P4HA3: variants seen among roughly 807,000 people sequenced by gnomAD.
The protein encoded by P4HA3 is prolyl 4-hydroxylase subunit alpha 3.
P4HA3 carries 60 observed loss-of-function variants against 66.7 expected under a neutral mutation model. The observed-to-expected ratio is 0.90, with a 90% CI of 0.73 to 1.12. The LOEUF is 1.12. P4HA3 is among the 50% of genes most tolerant of loss of function. The pLI, the probability that P4HA3 is intolerant of heterozygous loss-of-function variation, is 0.00. For missense variants in P4HA3, 683 were observed against 685.8 expected (o/e 1.00, Z 0.05); for synonymous variants, 263 against 274.6 (o/e 0.96, Z 0.42).
At chr11:74,276,874 T>G in intron 9 of P4HA3, 111 bp downstream of exon 9, 1 of 1,178,646 alleles carries the variant, frequency 8.5e-7, no homozygotes, top group Non-Finnish European at 1.1e-6. Flanking sequence ...GAACCTTTGT[T>G]CTAAGATTTC....
At chr11:74,298,866 G>A (rs1366618222) in intron 3 of P4HA3, among the ~76,000 whole-genome samples, 1 of 152,248 alleles carries the variant, frequency 6.6e-6, no homozygotes, top group Non-Finnish European at 1.5e-5. Context: ...TGTAGCTAGG[G>A]TGAAGAGAAA....
At chr11:74,281,869 T>TATAATA (rs57363098) in intron 7 of P4HA3, among the ~76,000 whole-genome samples, 1,606 of 144,498 alleles carry the variant, frequency 0.011, 26 homozygotes, top group African/African-American at 0.032. Flanking sequence ...AAACTTAAAG[T>TATAATA]ATAATAATAA....
At chr11:74,273,506 T>C (rs758589550) in intron 10 of P4HA3, 39 bp downstream of exon 10, 6 of 1,412,256 alleles carry the variant, frequency 4.2e-6, no homozygotes, top group Non-Finnish European at 5.6e-6. Context: ...AGTAGAGCTA[T>C]AGTCAGTCAT....
rs113978785 is a variant in P4HA3, at chr11:74,259,422, A to G, written c.*1318+501T>C. On this transcript the variant is annotated intron_variant and NMD_transcript_variant, in intron 15 of 15. Transcript: ENST00000524388. ...CAAAACAAACAAAAAACTTTTAACC[A>G]GGATTTTTTAAAAAAATAGTAAACT... Among the ~76,000 whole-genome samples the G allele has an allele frequency of 5.5e-4, 84 of 152,248 alleles. 1 individual carries two copies. Among genetic ancestry groups the G allele is most frequent in the African/African-American group, 2.0e-3 (82 of 41,544 alleles).
intron 4 of P4HA3, among the ~76,000 whole-genome samples, chr11:74,294,887 G>C (rs901641190): frequency 2.6e-5 from 4 of 152,164 alleles, no homozygotes; most frequent in African/African-American, 9.7e-5. Flanking sequence ...GGCTACTCGG[G>C]GGTAAGGGAC....
At chr11:74,260,350 A>T (rs1859887621) in intron 14 of P4HA3, among the ~76,000 whole-genome samples, 1 of 152,128 alleles carries the variant, frequency 6.6e-6, no homozygotes, top group East Asian at 1.9e-4. Context: ...AGCAGGATAA[A>T]ACCATTCATT....
At chr11:74,294,884 C>T (rs1041594070) in intron 4 of P4HA3, among the ~76,000 whole-genome samples, 3 of 152,160 alleles carry the variant, frequency 2.0e-5, no homozygotes, top group South Asian at 2.1e-4. Context: ...TTAGGCTACT[C>T]GGGGGTAAGG....
In P4HA3 at chr11:74,279,526, T is replaced by A. The variant is rs1276004593; in HGVS notation, c.1111-74A>T. The A allele has an allele frequency of 1.2e-5, 17 of 1,403,972 alleles. No homozygotes were observed. The East Asian group carries it at 3.7e-4, about 30-fold the overall frequency. 87.0% of individuals were successfully genotyped at this position (1,403,972 alleles called of 1,614,324 possible). A position where few individuals can be genotyped will look rare whatever the true frequency, so the allele number is the denominator to read the frequency against. On this transcript the variant is annotated intron_variant, in intron 7 of 12. Transcript: ENST00000331597. Reference sequence around the variant, plus strand: ...GAAAGTTTTGTCACTTCCACAGACATATTTCTCTCTTAAGCATCAACATAA... The same window carrying A: ...GAAAGTTTTGTCACTTCCACAGACAAATTTCTCTCTTAAGCATCAACATAA...
At chr11:74,294,576 T>A (rs1314122964) in intron 4 of P4HA3, among the ~76,000 whole-genome samples, 1 of 152,208 alleles carries the variant, frequency 6.6e-6, no homozygotes, top group Admixed American at 6.5e-5. Flanking sequence ...TCTTTGTGGT[T>A]TTATCTACCT....
At chr11:74,303,725 C>A (rs1390939504) in intron 2 of P4HA3, among the ~76,000 whole-genome samples, 3 of 150,794 alleles carry the variant, frequency 2.0e-5, no homozygotes, top group African/African-American at 7.3e-5. Flanking sequence ...GGATTACAGG[C>A]ATGTAATCCC....
intron 15 of P4HA3, chr11:74,251,406 G>A: frequency 7.3e-7 from 1 of 1,372,026 alleles, no homozygotes; most frequent in Non-Finnish European, 9.4e-7. Flanking sequence ...AACTCTGAGG[G>A]CACACATAAG....
chr11:74,305,564 GAAGAA>G (rs1254161326), intron 1 of P4HA3, among the ~76,000 whole-genome samples: 4 of 152,150 alleles, frequency 2.6e-5, no homozygotes, highest in Non-Finnish European at 4.4e-5. Flanking sequence ...ACAAAGAAGA[GAAGAA>G]GAGTATTTTT....
Position 74,251,313 on chromosome 11 carries a change from G to A in P4HA3, c.*1319-3312C>T, listed in dbSNP as rs1020510935. 5 of 1,363,582 alleles carry A rather than the reference G, an allele frequency of 3.7e-6. No individual in the cohort carries two copies. The African/African-American group carries it at 7.3e-5, about 20-fold the overall frequency. 84.5% of individuals were successfully genotyped at this position (1,363,582 alleles called of 1,614,324 possible). A position where few individuals can be genotyped will look rare whatever the true frequency, so the allele number is the denominator to read the frequency against. On this transcript the variant is annotated intron_variant and NMD_transcript_variant, in intron 15 of 15. Transcript: ENST00000524388. ...CAAAAGCCAGAGATGGAAGAGGGAT[G>A]ATTAGGGTAGAAACTGCTCCCTAAA...
intron 1 of P4HA3, 125 bp downstream of exon 1, chr11:74,311,287 T>C (rs976002426): frequency 3.2e-5 from 37 of 1,141,058 alleles, no homozygotes; most frequent in Non-Finnish European, 3.6e-5. Flanking sequence ...GGTGCGACAG[T>C]GGGTCTGGGG....
chr11:74,309,831 G>A (rs1018354322), intron 1 of P4HA3, among the ~76,000 whole-genome samples: 1 of 152,188 alleles, frequency 6.6e-6, no homozygotes, highest in Non-Finnish European at 1.5e-5. Context: ...CACCACATTA[G>A]CTCATTCAGT....
At chr11:74,255,185 G>A (rs993530920) in intron 15 of P4HA3, among the ~76,000 whole-genome samples, 4 of 152,116 alleles carry the variant, frequency 2.6e-5, no homozygotes, top group Admixed American at 6.5e-5. Flanking sequence ...AGCGTTTCCT[G>A]GCTCAATAAG....
At chr11:74,264,392 C>T (rs1391669915), downstream of P4HA3, among the ~76,000 whole-genome samples, 1 of 152,182 alleles carries the variant, frequency 6.6e-6, no homozygotes, top group Non-Finnish European at 1.5e-5. Context: ...CCTGGTCTCT[C>T]CTTCTCAGCC....
chr11:74,260,423 T>C (rs751545868), intron 14 of P4HA3, among the ~76,000 whole-genome samples: 14 of 152,138 alleles, frequency 9.2e-5, no homozygotes, highest in Non-Finnish European at 1.6e-4. Flanking sequence ...AAAACAGAGA[T>C]TCTAGAACCC....
At chr11:74,255,840 A>G in intron 15 of P4HA3, 1 of 435,004 alleles carries the variant, frequency 2.3e-6, no homozygotes. Flanking sequence ...CTAGTTGATG[A>G]TGAAATATTT....
Sources: gnomAD v4.1 joint callset for allele counts (sites outside exome capture counted in the v4.1 genomes callset) on GRCh38, gnomAD v4.1.1 for gene constraint, MANE v1.5 for transcripts, NCBI Gene and HGNC (gene_info 2026-07-23, HGNC 2026-07-21) for gene names.